Variants in DTD1 observed in about 807,000 individuals in gnomAD.
DTD1 encodes D-aminoacyl-tRNA deacylase 1.
A neutral mutation model predicts 25.6 loss-of-function variants in DTD1; 13 were observed. That is an observed-to-expected ratio of 0.51 (90% CI 0.33 to 0.81). The LOEUF (loss-of-function observed/expected upper bound fraction) is 0.81. Among genes scored for constraint, DTD1 ranks in the 30% least tolerant of loss-of-function variants. DTD1 has a pLI of 0.02. For synonymous variants in DTD1, 110 were observed against 103.6 expected, an observed-to-expected ratio of 1.06 and a Z score of -0.37; for missense variants, 193 against 266.4, an observed-to-expected ratio of 0.72 and a Z score of 1.92.
intron 4 of DTD1, among the ~76,000 whole-genome samples, chr20:18,667,891 G>A (rs1023309319): frequency 7.9e-5 from 12 of 152,198 alleles, no homozygotes; most frequent in African/African-American, 2.9e-4. Flanking sequence ...CTCGTCAGAT[G>A]CATAGGGAGT....
intron 4 of DTD1, chr20:18,698,789 G>T (rs114922042): frequency 6.6e-6 from 1 of 152,338 alleles, no homozygotes; most frequent in South Asian, 2.1e-4. Flanking sequence ...TCAGTTAAAA[G>T]TTCCTTAAAC....
Position 18,685,361 on chromosome 20 carries a change from C to T in DTD1, c.477+57128C>T, listed in dbSNP as rs559652358. ...ACCCCAGGCATGTATAAAACCAGACCTGTTTTCCTCCTTATACATAGCTGC... is the reference window on the plus strand; with the variant it reads ...ACCCCAGGCATGTATAAAACCAGACTTGTTTTCCTCCTTATACATAGCTGC... On this transcript the variant is annotated intron_variant, in intron 4 of 5. Transcript: ENST00000377452. Among the ~76,000 whole-genome samples the T allele has an allele frequency of 1.5e-4, 23 of 152,332 alleles. No individual in the cohort carries two copies. In the South Asian group the frequency reaches 4.8e-3, roughly 32 times the overall value.
intron 5 of DTD1, among the ~76,000 whole-genome samples, chr20:18,751,718 T>G (rs2061321891): frequency 6.6e-6 from 1 of 152,098 alleles, no homozygotes; most frequent in South Asian, 2.1e-4. Context: ...GCTTTTGAAC[T>G]GCTGGCCGCA....
chr20:18,672,986 A>T (rs562746771), intron 4 of DTD1, among the ~76,000 whole-genome samples: 1 of 152,144 alleles, frequency 6.6e-6, no homozygotes, highest in East Asian at 1.9e-4. Context: ...GCTTCATTCT[A>T]TGCATGGCGA....
chr20:18,651,831 G>T (rs1431531297), intron 4 of DTD1, among the ~76,000 whole-genome samples: 1 of 152,184 alleles, frequency 6.6e-6, no homozygotes, highest in Non-Finnish European at 1.5e-5. Flanking sequence ...TAAGAACACT[G>T]CCCCAAAAGA....
rs186829493 is a variant in DTD1, at chr20:18,639,674, C to A, written c.477+11441C>A. 2.8e-3 allele frequency among the ~76,000 whole-genome samples: 424 copies of A among 152,314 alleles called. 4 individuals carry two copies. Among genetic ancestry groups the A allele is most frequent in the Middle Eastern group, 3.4e-3 (1 of 294 alleles). ...AACGAAACACAAAAGAATGGCATGT[C>A]TATGAATATTCTTCACAGAAAATAT... On this transcript the variant is annotated intron_variant, in intron 4 of 5. Transcript: ENST00000377452.
At chr20:18,640,717 A>G (rs2060824947) in intron 4 of DTD1, among the ~76,000 whole-genome samples, 1 of 149,564 alleles carries the variant, frequency 6.7e-6, no homozygotes, top group Admixed American at 6.7e-5. Flanking sequence ...TGCAACCTCC[A>G]TCTCCCAGAT....
At position 18,765,820 on chromosome 20, in the gene DTD1, T is replaced by TA. The variant is rs1433291913; in HGVS notation, c.*2483dup. 1 of 152,234 alleles carries TA rather than the reference T, an allele frequency of 6.6e-6. No homozygotes were observed. The highest frequency in any genetic ancestry group is 1.5e-5 in the Non-Finnish European group (1 of 68,048). The allele number at this position is 152,234 out of a possible 1,614,324, so 9.4% of individuals were successfully genotyped here. A position where few individuals can be genotyped will look rare whatever the true frequency, so the allele number is the denominator to read the frequency against. ...CTGCCTCCTTCTTTCTGCTTATTTA[T>TA]AAAGCATACTGCTTATTGTCCATTA... is the stretch of plus-strand genomic sequence containing the variant. On this transcript the variant is annotated 3_prime_UTR_variant, in exon 6 of 6. Transcript: ENST00000377452.
chr20:18,747,984 A>AC (rs563732664), intron 5 of DTD1, among the ~76,000 whole-genome samples: 2 of 152,120 alleles, frequency 1.3e-5, no homozygotes, highest in African/African-American at 2.4e-5. Flanking sequence ...GCGCTACTGC[A>AC]CTCCAGCCTG....
At chr20:18,737,075 C>T (rs1169334316) in intron 4 of DTD1, among the ~76,000 whole-genome samples, 1 of 152,180 alleles carries the variant, frequency 6.6e-6, no homozygotes, top group Non-Finnish European at 1.5e-5. Flanking sequence ...CTGCCACTCC[C>T]GACAATAATG....
At chr20:18,628,309 G>A (rs535348765) in intron 4 of DTD1, 76 bp downstream of exon 4, 37 of 1,106,986 alleles carry the variant, frequency 3.3e-5, no homozygotes, top group East Asian at 7.3e-5. Flanking sequence ...AAGAGTCCTC[G>A]GTCTGAGGAA....
At chr20:18,611,979 C>A (rs1407989853) in intron 3 of DTD1, among the ~76,000 whole-genome samples, 1 of 151,708 alleles carries the variant, frequency 6.6e-6, no homozygotes, top group Non-Finnish European at 1.5e-5. Flanking sequence ...CTCAGCCTCC[C>A]GAGTAGCTGG....
At position 18,596,176 on chromosome 20, in the gene DTD1, C is replaced by G. The variant is rs138223373; in HGVS notation, c.305C>G (p.Ala102Gly). 469 of 1,614,134 alleles carry G rather than the reference C, an allele frequency of 2.9e-4. No individual in the cohort carries two copies. Among genetic ancestry groups the G allele is most frequent in the Non-Finnish European group, 3.9e-4 (457 of 1,180,014 alleles). ...CACCTAGCAATGCCCACGGAGCAGG[C>G]AGAGGGCTTCTACAACAGCTTCCTG... ...DFHLAMPTEQ[A>G]EGFYNSFLEQ... is the part of the protein sequence containing the mutation. Residue 102 changes from alanine (A) to glycine (G), a missense_variant, in exon 3 of 6, where the codon GCA becomes GGA. Physicochemically the swap from Ala to Gly is moderately conservative, Grantham distance 60 (BLOSUM62 0). Coordinates refer to ENST00000377452, the MANE Select transcript of DTD1 (RefSeq NM_080820.6).
At chr20:18,655,855 C>T (rs758890737) in intron 4 of DTD1, among the ~76,000 whole-genome samples, 5 of 152,060 alleles carry the variant, frequency 3.3e-5, no homozygotes, top group South Asian at 2.1e-4. Flanking sequence ...CAGCAATCTC[C>T]GCCTCCCAGG....
At chr20:18,645,414 C>A (rs369790684) in intron 4 of DTD1, among the ~76,000 whole-genome samples, 1 of 152,160 alleles carries the variant, frequency 6.6e-6, no homozygotes, top group South Asian at 2.1e-4. Flanking sequence ...AGGCATGTGG[C>A]CAGTTGTGTC....
chr20:18,646,987 G>A (rs969724898), intron 4 of DTD1, among the ~76,000 whole-genome samples: 12 of 152,180 alleles, frequency 7.9e-5, no homozygotes, highest in Non-Finnish European at 1.6e-4. Flanking sequence ...GCTTTAACTT[G>A]AGCTCAGCAG....
At chr20:18,632,591 C>G (rs1172055078) in intron 4 of DTD1, 1 of 984,636 alleles carries the variant, frequency 1.0e-6, no homozygotes, top group African/African-American at 1.7e-5. Context: ...ATCAATTAAG[C>G]TTTTAATTCT....
intron 4 of DTD1, among the ~76,000 whole-genome samples, chr20:18,739,976 T>C (rs1427246762): frequency 6.6e-6 from 1 of 152,102 alleles, no homozygotes; most frequent in Non-Finnish European, 1.5e-5. Flanking sequence ...GCTGTGCCTG[T>C]CATTTAAATA....
chr20:18,588,443 G>T (rs1568637034), intron 1 of DTD1, among the ~76,000 whole-genome samples: 1 of 152,232 alleles, frequency 6.6e-6, no homozygotes. Context: ...GCATCTCCGT[G>T]GTCCGCTCTT....
Sources: allele counts gnomAD v4.1 joint callset (sites outside exome capture counted in the v4.1 genomes callset), GRCh38; gene constraint gnomAD v4.1.1; transcripts MANE v1.5; gene names NCBI Gene and HGNC (gene_info 2026-07-23, HGNC 2026-07-21).